The following PUDP variants were observed in gnomAD, a reference collection of about 807,000 sequenced individuals.
PUDP encodes the protein pseudouridine 5'-phosphatase.
Under a neutral mutation model 9.4 loss-of-function variants are expected in PUDP, and 8 were observed. The ratio of observed to expected loss-of-function variants is 0.85; its 90% confidence interval spans 0.50 to 1.53. The LOEUF is 1.53. Ranked by LOEUF, PUDP falls within the 40% of genes most tolerant of loss-of-function variation. The probability of loss-of-function intolerance (pLI) is 0.00; values close to 1 mark genes in which losing one functional copy is unlikely to be tolerated. For synonymous variants in PUDP, 99 were observed against 80.7 expected (o/e 1.23, Z -1.22); for missense variants, 188 against 189.7 (o/e 0.99, Z 0.05).
chrX:6,916,715 T>C (rs1006582652), intron 3 of PUDP, among the ~76,000 whole-genome samples: 1 of 111,652 alleles, frequency 9.0e-6, no homozygotes, highest in Non-Finnish European at 1.9e-5. Context: ...CTGGGGTGAC[T>C]AAACTAACCC....
intron 3 of PUDP, among the ~76,000 whole-genome samples, chrX:6,824,921 T>C (rs1926401189): frequency 8.9e-6 from 1 of 112,145 alleles, no homozygotes. Flanking sequence ...AGCACCCAGG[T>C]GGAAGACGGT....
chrX:6,852,087 C>T (rs1926835270), intron 3 of PUDP, among the ~76,000 whole-genome samples: 1 of 112,122 alleles, frequency 8.9e-6, no homozygotes, highest in South Asian at 3.7e-4. Context: ...AAGAAAGTAA[C>T]AACCTGTACA....
intron 3 of PUDP, among the ~76,000 whole-genome samples, chrX:6,741,535 G>A (rs1358447529): frequency 9.0e-6 from 1 of 111,042 alleles, no homozygotes; most frequent in African/African-American, 3.3e-5. Flanking sequence ...TATATAGAGG[G>A]ATATATAGAG....
At chrX:6,901,945 C>T (rs866103090) in intron 3 of PUDP, among the ~76,000 whole-genome samples, 6 of 111,284 alleles carry the variant, frequency 5.4e-5, no homozygotes, top group South Asian at 3.8e-4. Flanking sequence ...GCGATCATAG[C>T]TCACCGCAGC....
At chrX:6,778,775 T>C (rs1925509296) in intron 3 of PUDP, among the ~76,000 whole-genome samples, 1 of 111,964 alleles carries the variant, frequency 8.9e-6, no homozygotes, top group South Asian at 3.7e-4. Flanking sequence ...AGCCGACAAA[T>C]GCAGGGTTAA....
chrX:7,021,500 G>C (rs1272012033), intron 1 of PUDP, among the ~76,000 whole-genome samples: 1 of 112,030 alleles, frequency 8.9e-6, no homozygotes, highest in Non-Finnish European at 1.9e-5. Flanking sequence ...CTGTAGAATT[G>C]TCATGAACTG....
chrX:6,809,201 G>C (rs1306634624), intron 3 of PUDP, among the ~76,000 whole-genome samples: 1 of 111,223 alleles, frequency 9.0e-6, no homozygotes, highest in Non-Finnish European at 1.9e-5. Context: ...ACAGAAAAAT[G>C]TCCCTTCTTA....
intron 2 of PUDP, among the ~76,000 whole-genome samples, chrX:7,089,554 C>G: frequency 9.0e-6 from 1 of 111,036 alleles, no homozygotes; most frequent in Middle Eastern, 4.6e-3. Flanking sequence ...GGTGTTTTAG[C>G]TCTTCGTTTT....
intron 3 of PUDP, among the ~76,000 whole-genome samples, chrX:6,916,229 CACACACACACACACACACA>C (rs1569122750): frequency 1.9e-5 from 2 of 105,472 alleles, no homozygotes; most frequent in Admixed American, 1.0e-4. Flanking sequence ...CACACACACA[CACACACACACACACACACA>C]CCCTGGGGAA....
chrX:6,818,171 A>G (rs1926282505), intron 3 of PUDP, among the ~76,000 whole-genome samples: 1 of 112,127 alleles, frequency 8.9e-6, no homozygotes, highest in Non-Finnish European at 1.9e-5. Flanking sequence ...ACACACCCTG[A>G]GTAGTATCCT....
intron 3 of PUDP, among the ~76,000 whole-genome samples, chrX:7,071,028 G>A (rs965288570): frequency 8.9e-6 from 1 of 112,156 alleles, no homozygotes; most frequent in Non-Finnish European, 1.9e-5. Flanking sequence ...TGCAATGTAC[G>A]ATAAGGATAA....
At chrX:6,751,386 C>T (rs1451601393) in intron 3 of PUDP, among the ~76,000 whole-genome samples, 1 of 111,268 alleles carries the variant, frequency 9.0e-6, no homozygotes, top group African/African-American at 3.3e-5. Context: ...CTCTGGTTTT[C>T]AATAAAGAAA....
At chrX:7,105,979 G>A (rs1389031710) in intron 1 of PUDP, 141 bp from the exon 2 acceptor site, 1 of 433,259 alleles carries the variant, frequency 2.3e-6, no homozygotes, top group Non-Finnish European at 3.9e-6. Flanking sequence ...CAGGAGAAAG[G>A]CTTGCAGGTC....
chrX:6,999,240 C>T (rs1385204093), intron 1 of PUDP, among the ~76,000 whole-genome samples: 2 of 111,433 alleles, frequency 1.8e-5, no homozygotes, highest in African/African-American at 6.5e-5. Flanking sequence ...GGGAGCAGGG[C>T]GACTGTGTTG....
intron 3 of PUDP, among the ~76,000 whole-genome samples, chrX:6,792,411 C>A (rs878950910): frequency 9.2e-6 from 1 of 108,823 alleles, no homozygotes; most frequent in Non-Finnish European, 1.9e-5. Context: ...CAGCAGAAGC[C>A]GGCCATAGAT....
chrX:6,890,670 T>C (rs1371511468), intron 3 of PUDP, among the ~76,000 whole-genome samples: 3 of 110,694 alleles, frequency 2.7e-5, no homozygotes, highest in Non-Finnish European at 5.7e-5. Flanking sequence ...AGAGTTCCCA[T>C]GTTCAAGAAG....
At chrX:6,943,732 C>A (rs1928427938) in intron 3 of PUDP, among the ~76,000 whole-genome samples, 1 of 111,513 alleles carries the variant, frequency 9.0e-6, no homozygotes, top group Admixed American at 9.6e-5. Flanking sequence ...TGGCATTTCA[C>A]CAGTAAAGAA....
chrX:6,876,639 ATG>A (rs111935866), intron 3 of PUDP, among the ~76,000 whole-genome samples: 3,063 of 92,643 alleles, frequency 0.033, 115 homozygotes, highest in African/African-American at 0.1. Flanking sequence ...CTAAAATGTT[ATG>A]TGTGTGTGTG....
chrX:6,710,211 A>C (rs1924516276), intron 1 of PUDP, among the ~76,000 whole-genome samples: 1 of 111,940 alleles, frequency 8.9e-6, no homozygotes. Context: ...AAAATGTTCT[A>C]ATCACTCCCA....
Sources: gnomAD v4.1 joint callset for allele counts (sites outside exome capture counted in the v4.1 genomes callset) on GRCh38, gnomAD v4.1.1 for gene constraint, MANE v1.5 for transcripts, NCBI Gene and HGNC (gene_info 2026-07-23, HGNC 2026-07-21) for gene names.